SYNJ2BP: variants seen among roughly 807,000 people sequenced by gnomAD.
The protein encoded by SYNJ2BP is synaptojanin-2-binding protein.
In SYNJ2BP, 10 loss-of-function variants were observed where a neutral mutation model predicts 16.9. The observed-to-expected ratio is 0.59, with a 90% CI of 0.36 to 1.00. SYNJ2BP has a LOEUF of 1.00. Among genes scored for constraint, SYNJ2BP ranks in the 50% least tolerant of loss-of-function variants. The probability of loss-of-function intolerance (pLI) is 0.01; values close to 1 mark genes in which losing one functional copy is unlikely to be tolerated. For missense variants in SYNJ2BP, 162 were observed against 186.7 expected (o/e 0.87, Z 0.77); for synonymous variants, 54 against 68.4 (o/e 0.79, Z 1.04).
intron 1 of SYNJ2BP, among the ~76,000 whole-genome samples, chr14:70,408,051 G>A (rs1238647642): frequency 6.6e-6 from 1 of 151,148 alleles, no homozygotes; most frequent in African/African-American, 2.4e-5. Flanking sequence ...AACATTTCCA[G>A]TTCTAGGGAA....
At chr14:70,414,505 C>CA (rs1285298982) in intron 1 of SYNJ2BP, among the ~76,000 whole-genome samples, 1 of 151,940 alleles carries the variant, frequency 6.6e-6, no homozygotes, top group Non-Finnish European at 1.5e-5. Flanking sequence ...CTACAAATGC[C>CA]AAAAAAGATG....
chr14:70,386,600 C>T (rs1887864704), intron 2 of SYNJ2BP, among the ~76,000 whole-genome samples: 1 of 152,162 alleles, frequency 6.6e-6, no homozygotes, highest in Admixed American at 6.5e-5. Flanking sequence ...AGCCTGATCA[C>T]TCAAATACTC....
intron 1 of SYNJ2BP, among the ~76,000 whole-genome samples, chr14:70,404,637 C>A (rs183930044): frequency 6.6e-6 from 1 of 152,236 alleles, no homozygotes; most frequent in East Asian, 1.9e-4. Context: ...TTCCTAGGTT[C>A]TTCACTGGAA....
At chr14:70,373,337 G>T (rs1887558215) in intron 3 of SYNJ2BP, among the ~76,000 whole-genome samples, 1 of 152,082 alleles carries the variant, frequency 6.6e-6, no homozygotes, top group South Asian at 2.1e-4. Flanking sequence ...GGTCTAATGG[G>T]GAGGCATTTA....
At position 70,370,025 on chromosome 14, in the gene SYNJ2BP, T is replaced by C. The variant is rs751328192; in HGVS notation, c.*2966A>G. ...TTAGTTTTCTATAGAATCAATAATA[T>C]AATTAGTGTACCTGCTTAAAACTGT... On this transcript the variant is annotated 3_prime_UTR_variant, in exon 4 of 4. Coordinates refer to ENST00000256366, the MANE Select transcript of SYNJ2BP (RefSeq NM_018373.3). The C allele has an allele frequency of 6.6e-6, 1 of 152,218 alleles. No homozygotes were observed. The highest frequency in any genetic ancestry group is 1.5e-5 in the Non-Finnish European group (1 of 68,036). 9.4% of individuals were successfully genotyped at this position (152,218 alleles called of 1,614,324 possible).
At chr14:70,394,573 G>T (rs972934902) in intron 1 of SYNJ2BP, among the ~76,000 whole-genome samples, 3 of 150,456 alleles carry the variant, frequency 2.0e-5, no homozygotes, top group African/African-American at 4.9e-5. Context: ...TGTCTATTTT[G>T]CAGTCTAAAT....
intron 2 of SYNJ2BP, among the ~76,000 whole-genome samples, chr14:70,382,856 T>G (rs961134935): frequency 5.9e-5 from 9 of 152,190 alleles, no homozygotes; most frequent in Admixed American, 5.9e-4. Context: ...CCTTATGAAA[T>G]CAGCTGAGTT....
At position 70,366,920 on chromosome 14, in the gene SYNJ2BP, G is replaced by T. The variant is rs911940923; in HGVS notation, c.*6071C>A. 1.6e-4 allele frequency: 25 copies of T among 152,278 alleles called. No homozygotes were observed. The highest frequency in any genetic ancestry group is 5.1e-4 in the African/African-American group (21 of 41,550). The allele number at this position is 152,278 out of a possible 1,614,324, so 9.4% of individuals were successfully genotyped here. A position where few individuals can be genotyped will look rare whatever the true frequency, so the allele number is the denominator to read the frequency against. On this transcript the variant is annotated 3_prime_UTR_variant, in exon 4 of 4. Transcript: ENST00000256366. ...TTACTGCAGATAAAAGATTAAAATA[G>T]GATTCAATTATTCATCTCCATTTGC... is the stretch of plus-strand genomic sequence containing the variant.
At chr14:70,375,908 T>C in intron 2 of SYNJ2BP, 137 bp from the exon 3 acceptor site, 2 of 1,077,572 alleles carry the variant, frequency 1.9e-6, no homozygotes, top group Non-Finnish European at 2.6e-6. Flanking sequence ...CAAAGTTACT[T>C]AGAGCTCAGA....
Position 70,369,647 on chromosome 14 carries a change from T to A in SYNJ2BP, c.*3344A>T, listed in dbSNP as rs957577795. ...AAATAATGTACCAATCAGAGTTTGG[T>A]ACAGTCCCTGGCATAGAACACAATA... On this transcript the variant is annotated 3_prime_UTR_variant, in exon 4 of 4. Coordinates refer to ENST00000256366, the MANE Select transcript of SYNJ2BP (RefSeq NM_018373.3). 1.3e-5 allele frequency: 2 copies of A among 152,216 alleles called. No individual in the cohort carries two copies. The highest frequency in any genetic ancestry group is 2.9e-5 in the Non-Finnish European group (2 of 68,030). 9.4% of individuals were successfully genotyped at this position (152,216 alleles called of 1,614,324 possible). A position where few individuals can be genotyped will look rare whatever the true frequency, so the allele number is the denominator to read the frequency against.
chr14:70,406,259 T>G (rs774643872), intron 1 of SYNJ2BP, among the ~76,000 whole-genome samples: 1 of 152,160 alleles, frequency 6.6e-6, no homozygotes, highest in Non-Finnish European at 1.5e-5. Flanking sequence ...ATATTTAAAA[T>G]GCTTATGAAA....
chr14:70,409,985 G>A (rs1359333382), intron 1 of SYNJ2BP, among the ~76,000 whole-genome samples: 1 of 151,738 alleles, frequency 6.6e-6, no homozygotes, highest in African/African-American at 2.4e-5. Flanking sequence ...AAGTGTGGTG[G>A]TGCATGTCTG....
intron 1 of SYNJ2BP, among the ~76,000 whole-genome samples, chr14:70,398,896 C>CCTT (rs1888166882): frequency 6.6e-6 from 1 of 152,142 alleles, no homozygotes; most frequent in African/African-American, 2.4e-5. Context: ...GACTCACTGT[C>CCTT]GCTTGGCTCA....
intron 2 of SYNJ2BP, 145 bp downstream of exon 2, chr14:70,388,325 A>T: frequency 7.9e-7 from 1 of 1,263,912 alleles, no homozygotes; most frequent in Non-Finnish European, 1.0e-6. Context: ...GGTTGGAAAG[A>T]ATGACTGATC....
chr14:70,401,822 C>A (rs1888244352), intron 1 of SYNJ2BP, among the ~76,000 whole-genome samples: 1 of 151,564 alleles, frequency 6.6e-6, no homozygotes. Context: ...TTTTTCTTTT[C>A]TTTTTTTATG....
chr14:70,412,134 C>T (rs1888486056), intron 1 of SYNJ2BP, among the ~76,000 whole-genome samples: 1 of 152,158 alleles, frequency 6.6e-6, no homozygotes, highest in Non-Finnish European at 1.5e-5. Context: ...ATGCCCTCAG[C>T]TCTATCAAGA....
At chr14:70,381,322 GACGTTATTCTAATGACT>G in intron 2 of SYNJ2BP, among the ~76,000 whole-genome samples, 1 of 152,294 alleles carries the variant, frequency 6.6e-6, no homozygotes, top group Middle Eastern at 3.4e-3. Flanking sequence ...TAATTTAAGA[GACGTTATTCTAATGACT>G]ACTTTAAAAC....
chr14:70,381,852 A>G (rs1404863058), intron 2 of SYNJ2BP, among the ~76,000 whole-genome samples: 1 of 152,164 alleles, frequency 6.6e-6, no homozygotes, highest in Non-Finnish European at 1.5e-5. Context: ...CCCTTTCTAC[A>G]TATCCCTTGC....
rs567421427 is a variant in SYNJ2BP at position 70,380,483 on chromosome 14, GA to G, written c.202-4713del. Among the ~76,000 whole-genome samples, 5 of 152,118 alleles carry G rather than the reference GA, an allele frequency of 3.3e-5. No individual in the cohort carries two copies. In the South Asian group the frequency reaches 8.3e-4, roughly 25 times the overall value. On this transcript the variant is annotated intron_variant, in intron 2 of 3. Coordinates refer to ENST00000256366, the MANE Select transcript of SYNJ2BP (RefSeq NM_018373.3). ...TCGAGACCACCCTGACCAACATGGT[GA>G]AACCCCGTCTCTACTAAAAATACAA...
Sources: allele counts gnomAD v4.1 joint callset (sites outside exome capture counted in the v4.1 genomes callset), GRCh38; gene constraint gnomAD v4.1.1; transcripts MANE v1.5; gene names NCBI Gene and HGNC (gene_info 2026-07-23, HGNC 2026-07-21).